USP30: variants seen among roughly 807,000 people sequenced by gnomAD.
USP30 encodes ubiquitin specific peptidase 30.
Under a neutral mutation model 68.2 loss-of-function variants are expected in USP30, and 41 were observed. That is an observed-to-expected ratio of 0.60 (90% CI 0.47 to 0.78). The LOEUF (loss-of-function observed/expected upper bound fraction) is 0.78, where lower values mean the gene tolerates loss of function less well. Ranked by LOEUF, USP30 falls within the 30% of genes least tolerant of loss-of-function variation. The pLI is 0.00. For missense variants in USP30, 522 were observed against 649.4 expected (o/e 0.80, Z 2.13); for synonymous variants, 229 against 253.7 (o/e 0.90, Z 0.93).
chr12:109,056,541 T>C, intron 1 of USP30, 141 bp from the exon 2 acceptor site: 1 of 542,002 alleles, frequency 1.8e-6, no homozygotes, highest in Non-Finnish European at 3.2e-6. Context: ...TTTCAAGATG[T>C]AATCCTATGA....
chr12:109,042,190 C>T (rs2040569756), intron 3 of USP30, among the ~76,000 whole-genome samples: 1 of 150,510 alleles, frequency 6.6e-6, no homozygotes, highest in Non-Finnish European at 1.5e-5. Flanking sequence ...TTTGTATAAA[C>T]TTCTGATGAG....
chr12:109,074,679 G>A (rs2041542094), intron 7 of USP30, among the ~76,000 whole-genome samples: 1 of 152,206 alleles, frequency 6.6e-6, no homozygotes. Flanking sequence ...TATTTAGGGT[G>A]TACAAAGTGA....
At chr12:109,047,292 G>A (rs2040614206) in intron 3 of USP30, among the ~76,000 whole-genome samples, 1 of 152,114 alleles carries the variant, frequency 6.6e-6, no homozygotes, top group Non-Finnish European at 1.5e-5. Flanking sequence ...AACTTGTCTG[G>A]GGAGAAGGGT....
At chr12:109,030,939 CAT>C (rs2040476351) in intron 3 of USP30, among the ~76,000 whole-genome samples, 1 of 152,142 alleles carries the variant, frequency 6.6e-6, no homozygotes, top group East Asian at 1.9e-4. Flanking sequence ...ACAATGTACA[CAT>C]ATATCAAATC....
chr12:109,050,689 C>G (rs2040652906), upstream of USP30, among the ~76,000 whole-genome samples: 2 of 152,170 alleles, frequency 1.3e-5, no homozygotes, highest in South Asian at 4.2e-4. Flanking sequence ...GTACTCCAAA[C>G]TGAGAGGTAC....
intron 11 of USP30, 30 bp from the exon 12 acceptor site, chr12:109,084,923 T>C: frequency 1.3e-6 from 2 of 1,526,094 alleles, no homozygotes; most frequent in Non-Finnish European, 1.8e-6. Context: ...ACTGCTAATT[T>C]TCATTGACTC....
At chr12:109,033,828 G>A (rs1211075025) in intron 3 of USP30, among the ~76,000 whole-genome samples, 4 of 152,056 alleles carry the variant, frequency 2.6e-5, no homozygotes, top group African/African-American at 7.2e-5. Flanking sequence ...ATAATGTAAA[G>A]GTGCACAACT....
chr12:109,085,344 T>C (rs1482656178), intron 12 of USP30, among the ~76,000 whole-genome samples: 1 of 152,230 alleles, frequency 6.6e-6, no homozygotes, highest in African/African-American at 2.4e-5. Context: ...TAAAATTTCT[T>C]GGGATACCAT....
intron 1 of USP30, among the ~76,000 whole-genome samples, chr12:109,056,175 TTTGTTG>T (rs138193365): frequency 0.15 from 22,153 of 151,302 alleles, 1,757 homozygotes; most frequent in Middle Eastern, 0.24. Flanking sequence ...TGACTTAGTT[TTTGTTG>T]TTGTTGTTGT....
At chr12:109,056,852 A>G in intron 2 of USP30, 61 bp downstream of exon 2, 1 of 1,234,712 alleles carries the variant, frequency 8.1e-7, no homozygotes, top group Middle Eastern at 1.9e-4. Context: ...GTTATCTGAA[A>G]ACAGTACAAA....
Position 109,052,586 on chromosome 12 carries a change from G to C in USP30, c.-93G>C. 1 of 1,301,134 alleles carries C rather than the reference G, an allele frequency of 7.7e-7. No homozygotes were observed. Among genetic ancestry groups the C allele is most frequent in the Non-Finnish European group, 1.0e-6 (1 of 999,666 alleles). 80.6% of individuals were successfully genotyped at this position (1,301,134 alleles called of 1,614,324 possible). On this transcript the variant is annotated 5_prime_UTR_variant, in exon 1 of 13. Coordinates refer to ENST00000257548, the MANE Select transcript of USP30 (RefSeq NM_032663.5). ...CGAGGTGCTGGGACTGCGGCCGCAGGTTCCGCTGTCTCGGGAACCGTCGTA... is the reference window on the plus strand; with the variant it reads ...CGAGGTGCTGGGACTGCGGCCGCAGCTTCCGCTGTCTCGGGAACCGTCGTA...
chr12:109,082,965 C>A lies in USP30; in HGVS notation c.1071C>A (p.His357Gln). The A allele has an allele frequency of 1.2e-6, 2 of 1,614,248 alleles. No homozygotes were observed. The highest frequency in any genetic ancestry group is 1.7e-6 in the Non-Finnish European group (2 of 1,180,042). Residue 357 changes from histidine to glutamine, a missense_variant, in exon 11 of 13, where the codon CAC becomes CAA. Coordinates refer to ENST00000257548, the MANE Select transcript of USP30 (RefSeq NM_032663.5). ...EFLMMDIYKY[H>Q]LLGHKPSQHN... Reference sequence around the variant, plus strand: ...TGATGATGGACATTTACAAGTACCACCTCCTTGGACATAAACCTAGTCAAC... The same window carrying A: ...TGATGATGGACATTTACAAGTACCAACTCCTTGGACATAAACCTAGTCAAC...
rs1300857824 is a variant in USP30, at chr12:109,070,767, C to A, written c.481-845C>A. 6.6e-6 allele frequency among the ~76,000 whole-genome samples: 1 copy of A among 152,084 alleles called. No individual in the cohort carries two copies. The highest frequency in any genetic ancestry group is 1.5e-5 in the Non-Finnish European group (1 of 68,012). ...CAAGAGTAGTCCCATGCCATTGGAT[C>A]CAGCAACCCCGCTGCTGGGTACAAA... On this transcript the variant is annotated intron_variant, in intron 4 of 12. Transcript: ENST00000257548. The surrounding 1 kb of genome is among the most constrained non-coding windows in gnomAD (Gnocchi z 4.0).
At chr12:109,042,356 T>C (rs924054983) in intron 3 of USP30, among the ~76,000 whole-genome samples, 2 of 152,232 alleles carry the variant, frequency 1.3e-5, no homozygotes, top group Non-Finnish European at 2.9e-5. Context: ...CATACGGTTC[T>C]TTTCCCAAAG....
At chr12:109,058,824 CAAAAT>C (rs2040963408) in intron 3 of USP30, among the ~76,000 whole-genome samples, 1 of 152,006 alleles carries the variant, frequency 6.6e-6, no homozygotes, top group African/African-American at 2.4e-5. Flanking sequence ...GAAGTATAAA[CAAAAT>C]AAAAATGCTG....
intron 3 of USP30, among the ~76,000 whole-genome samples, chr12:109,030,309 T>C (rs1334642280): frequency 6.6e-6 from 1 of 152,160 alleles, no homozygotes; most frequent in Non-Finnish European, 1.5e-5. Flanking sequence ...TGCAGGTCTA[T>C]TGTGTGGATT....
At chr12:109,052,467 G>T, upstream of USP30, 2 of 431,894 alleles carry the variant, frequency 4.6e-6, no homozygotes, top group Non-Finnish European at 8.0e-6. Context: ...GTTGCTAAGG[G>T]AAAAGAAAGA....
At chr12:109,051,731 G>A (rs529884396), upstream of USP30, among the ~76,000 whole-genome samples, 3 of 151,612 alleles carry the variant, frequency 2.0e-5, no homozygotes, top group South Asian at 4.2e-4. Flanking sequence ...CACCACGCCC[G>A]GCTAATTTTT....
chr12:109,028,521 A>C (rs2040460183), intron 3 of USP30, among the ~76,000 whole-genome samples: 1 of 151,732 alleles, frequency 6.6e-6, no homozygotes, highest in South Asian at 2.1e-4. Flanking sequence ...CTTGTCGCCC[A>C]GACTGGAGTG....
Sources: gnomAD v4.1 joint callset for allele counts (sites outside exome capture counted in the v4.1 genomes callset) on GRCh38, gnomAD v4.1.1 for gene constraint, Gnocchi (gnomAD v3.1) non-coding constraint, MANE v1.5 for transcripts, NCBI Gene and HGNC (gene_info 2026-07-23, HGNC 2026-07-21) for gene names.